Variants in DUSP4 observed in about 807,000 individuals in gnomAD.
DUSP4 encodes dual specificity phosphatase 4, also known as dual specificity protein phosphatase 4.
DUSP4 carries 12 observed loss-of-function variants against 27.2 expected under a neutral mutation model. The ratio of observed to expected loss-of-function variants is 0.44; its 90% CI spans 0.28 to 0.71. The LOEUF (loss-of-function observed/expected upper bound fraction) is 0.71. DUSP4 is among the 30% of genes least tolerant of loss of function. The pLI is 0.14. For synonymous variants in DUSP4, 257 were observed against 245.2 expected (o/e 1.05, Z -0.45); for missense variants, 448 against 551.3 (o/e 0.81, Z 1.88).
intron 2 of DUSP4, 111 bp from the exon 3 acceptor site, chr8:29,338,612 G>T: frequency 8.2e-7 from 1 of 1,223,982 alleles, no homozygotes; most frequent in Non-Finnish European, 1.1e-6. Context: ...CAGGGAGAAT[G>T]CCTGCTGGGC....
At position 29,336,454 on chromosome 8, in the gene DUSP4, GAAGA is replaced by G. The variant is rs2117264230; in HGVS notation, c.*568_*571del. ...TAGACTTTTTGTACTTTCATACTCT[GAAGA>G]AAGTCTTAATAAATACTTTATTATT... On this transcript the variant is annotated 3_prime_UTR_variant, in exon 4 of 4. Transcript: ENST00000240100. The G allele has an allele frequency of 6.6e-6, 1 of 152,476 alleles. No individual in the cohort carries two copies. The highest frequency in any genetic ancestry group is 2.1e-4 in the South Asian group (1 of 4,814). The allele number at this position is 152,476 out of a possible 1,614,324, so 9.4% of individuals were successfully genotyped here. A position where few individuals can be genotyped will look rare whatever the true frequency, so the allele number is the denominator to read the frequency against.
chr8:29,341,531 C>T (rs146988389), intron 1 of DUSP4, among the ~76,000 whole-genome samples: 4 of 152,346 alleles, frequency 2.6e-5, no homozygotes, highest in Non-Finnish European at 5.9e-5. Flanking sequence ...TCCTCTCCCT[C>T]CCTCAGGATA....
At chr8:29,347,844 C>A in intron 1 of DUSP4, 1 of 985,614 alleles carries the variant, frequency 1.0e-6, no homozygotes, top group Non-Finnish European at 1.2e-6. Flanking sequence ...CCAGGGCTCT[C>A]GAATCGGTCT....
chr8:29,341,571 T>C lies in DUSP4; in HGVS notation c.434-1328A>G, dbSNP rs551376941. On this transcript the variant is annotated intron_variant, in intron 1 of 3. Coordinates refer to ENST00000240100, the MANE Select transcript of DUSP4 (RefSeq NM_001394.7). The stretch of plus-strand genomic sequence containing the variant: ...TGGATCTCTCTCTGGTCACAGGCCC[T>C]TGTTCCTGCTGAGTCACAGTGACCA... Among the ~76,000 whole-genome samples the C allele has an allele frequency of 8.1e-4, 124 of 152,332 alleles. 1 individual carries two copies. Among genetic ancestry groups the C allele is most frequent in the African/African-American group, 2.8e-3 (117 of 41,568 alleles).
intron 1 of DUSP4, chr8:29,346,106 A>G: frequency 1.0e-6 from 1 of 981,916 alleles, no homozygotes; most frequent in Non-Finnish European, 1.2e-6. Context: ...AAATGTCACC[A>G]GAGTTTCCAG....
chr8:29,348,509 G>A (rs1385823233), intron 1 of DUSP4: 26 of 985,484 alleles, frequency 2.6e-5, no homozygotes, highest in Non-Finnish European at 3.0e-5. Context: ...CGCCTTAGCA[G>A]TTCAACCAAA....
At chr8:29,347,493 T>G (rs1223250919) in intron 1 of DUSP4, among the ~76,000 whole-genome samples, 1 of 152,210 alleles carries the variant, frequency 6.6e-6, no homozygotes, top group African/African-American at 2.4e-5. Context: ...GGCTGGAAGA[T>G]TCCCCCACCT....
chr8:29,343,678 T>C (rs1040907172), intron 1 of DUSP4, among the ~76,000 whole-genome samples: 3 of 152,220 alleles, frequency 2.0e-5, no homozygotes, highest in Non-Finnish European at 4.4e-5. Context: ...ATTGGTTTCC[T>C]AATCCAGGCT....
At position 29,349,960 on chromosome 8, in the gene DUSP4, C is replaced by G. The variant is rs1282326352; in HGVS notation, c.319G>C (p.Val107Leu). 6.3e-6 allele frequency: 10 copies of G among 1,588,208 alleles called. No individual in the cohort carries two copies. Among genetic ancestry groups the G allele is most frequent in the Non-Finnish European group, 8.5e-6 (10 of 1,171,468 alleles). Reference sequence around the variant, plus strand: ...GCGCGCGGGCTGCGCTCGTCGTAGACGATGACCGCCGAGTAGAGGCCGGAG... The same window carrying G: ...GCGCGCGGGCTGCGCTCGTCGTAGAGGATGACCGCCGAGTAGAGGCCGGAG... ...LRSGLYSAVIVYDERSPRAES... is the reference protein window; with the variant it reads ...LRSGLYSAVILYDERSPRAES... Residue 107 changes from valine to leucine, a missense_variant, in exon 1 of 4, where the codon GTC (valine) becomes CTC (leucine). By Grantham distance (32) the Val-to-Leu change is conservative (BLOSUM62 1). Around this residue, in one of 3 missense-constraint regions of DUSP4, gnomAD observed 345 missense variants for 394.0 expected, o/e 0.88. Transcript: ENST00000240100.
rs548849229 is a variant in DUSP4 at position 29,339,769 on chromosome 8, C to T, written c.579+329G>A. 6.0e-5 allele frequency among the ~76,000 whole-genome samples: 9 copies of T among 151,248 alleles called. No homozygotes were observed. In the South Asian group the frequency reaches 1.7e-3, roughly 28 times the overall value. On this transcript the variant is annotated intron_variant, in intron 2 of 3. Coordinates refer to ENST00000240100, the MANE Select transcript of DUSP4 (RefSeq NM_001394.7). ...CTGTGATCCCAACACTTTGGGAGGC[C>T]AAAGCAGGAGGATCACTTGAGGCCA...
At chr8:29,345,680 T>TG in intron 1 of DUSP4, 1 of 1,423,300 alleles carries the variant, frequency 7.0e-7, no homozygotes, top group East Asian at 2.7e-5. Context: ...AGTCCATTTT[T>TG]GTGGGTGGAG....
intron 1 of DUSP4, among the ~76,000 whole-genome samples, chr8:29,346,411 T>C (rs772273329): frequency 5.9e-5 from 9 of 152,222 alleles, no homozygotes; most frequent in South Asian, 2.1e-4. Flanking sequence ...CAGATTATTT[T>C]GTTATTTGGG....
At chr8:29,346,634 C>T (rs1382561779) in intron 1 of DUSP4, among the ~76,000 whole-genome samples, 1 of 152,154 alleles carries the variant, frequency 6.6e-6, no homozygotes, top group Non-Finnish European at 1.5e-5. Flanking sequence ...AAAAAAATTA[C>T]CCCACTGGAA....
Position 29,350,543 on chromosome 8 carries a change from G to A in DUSP4, c.-265C>T, listed in dbSNP as rs1485444240. Reference sequence around the variant, plus strand: ...GAGGGGGAGGCGCCGGTGGAGGAGAGTGTGTTTACGAGAGAGGACCGCGGA... The same window carrying A: ...GAGGGGGAGGCGCCGGTGGAGGAGAATGTGTTTACGAGAGAGGACCGCGGA... On this transcript the variant is annotated 5_prime_UTR_variant, in exon 1 of 4. Transcript: ENST00000240100. 6.0e-6 allele frequency: 3 copies of A among 503,464 alleles called. No individual in the cohort carries two copies. Among genetic ancestry groups the A allele is most frequent in the Middle Eastern group, 5.0e-4 (1 of 2,014 alleles). 31.2% of individuals were successfully genotyped at this position (503,464 alleles called of 1,614,324 possible).
At chr8:29,338,016 C>T (rs555595316) in intron 3 of DUSP4, among the ~76,000 whole-genome samples, 155 of 152,202 alleles carry the variant, frequency 1.0e-3, no homozygotes, top group African/African-American at 3.3e-3. Context: ...TCTTCCTCCC[C>T]GTCCAAAAAC....
intron 1 of DUSP4, chr8:29,345,501 C>T: frequency 1.3e-6 from 2 of 1,593,618 alleles, no homozygotes; most frequent in Non-Finnish European, 1.7e-6. Flanking sequence ...AGCAAACTGG[C>T]TTCCGTTGGA....
At position 29,350,408 on chromosome 8, in the gene DUSP4, A is replaced by C; in HGVS notation, c.-130T>G. 1 of 1,113,776 alleles carries C rather than the reference A, an allele frequency of 9.0e-7. No individual in the cohort carries two copies. Among genetic ancestry groups the C allele is most frequent in the Non-Finnish European group, 1.2e-6 (1 of 810,104 alleles). The allele number at this position is 1,113,776 out of a possible 1,614,324, so 69.0% of individuals were successfully genotyped here. ...GAAGTGGCCGCAAACTTGGTCCTCAAGGGCTCCCGCGGGAGAGCCTCTTCT... is the reference window on the plus strand; with the variant it reads ...GAAGTGGCCGCAAACTTGGTCCTCACGGGCTCCCGCGGGAGAGCCTCTTCT... On this transcript the variant is annotated 5_prime_UTR_variant, in exon 1 of 4. Coordinates refer to ENST00000240100, the MANE Select transcript of DUSP4 (RefSeq NM_001394.7).
intron 1 of DUSP4, chr8:29,347,983 G>GT (rs1364716841): frequency 1.0e-6 from 1 of 985,400 alleles, no homozygotes; most frequent in Non-Finnish European, 1.2e-6. Context: ...CGGGGCCTAA[G>GT]TGGCTGCACC....
In DUSP4 at chr8:29,333,965, G is replaced by A. The variant is rs918971970; in HGVS notation, c.*3061C>T. On this transcript the variant is annotated 3_prime_UTR_variant, in exon 4 of 4. Coordinates refer to ENST00000240100, the MANE Select transcript of DUSP4 (RefSeq NM_001394.7). ...ATTGGAAAACTCTCTGGAATCCAGC[G>A]TGGATGAGCAACTGAACAAAATGGC... 3.3e-5 allele frequency: 5 copies of A among 152,296 alleles called. No homozygotes were observed. Among genetic ancestry groups the A allele is most frequent in the Admixed American group, 6.5e-5 (1 of 15,286 alleles). 9.4% of individuals were successfully genotyped at this position (152,296 alleles called of 1,614,324 possible).
Sources: gnomAD v4.1 joint callset for allele counts (sites outside exome capture counted in the v4.1 genomes callset) on GRCh38, gnomAD v4.1.1 for gene constraint, gnomAD v4.1.1 regional missense constraint, MANE v1.5 for transcripts, NCBI Gene and HGNC (gene_info 2026-07-23, HGNC 2026-07-21) for gene names.